Variants in NALCN observed in about 807,000 individuals in gnomAD.
NALCN encodes sodium leak channel, non-selective, also known as sodium leak channel NALCN.
In NALCN, 111 loss-of-function variants were observed where a neutral mutation model predicts 225.3. The ratio of observed to expected loss-of-function variants is 0.49; its 90% CI spans 0.42 to 0.58. NALCN has a LOEUF of 0.58. NALCN is among the 20% of genes least tolerant of loss of function. NALCN has a pLI of 0.00. For synonymous variants in NALCN, 764 were observed against 769.0 expected, an observed-to-expected ratio of 0.99 and a Z score of 0.11; for missense variants, 1,378 against 2,202.4, an observed-to-expected ratio of 0.63 and a Z score of 7.49.
intron 6 of NALCN, among the ~76,000 whole-genome samples, chr13:101,360,231 C>CTCTCTCTCTCT (rs2046213644): frequency 1.4e-5 from 1 of 73,148 alleles, no homozygotes; most frequent in Non-Finnish European, 3.4e-5. Context: ...TCTCTCTCTC[C>CTCTCTCTCTCT]TTCCTTCCTT....
intron 11 of NALCN, among the ~76,000 whole-genome samples, chr13:101,253,896 A>G (rs936334952): frequency 1.3e-5 from 2 of 152,258 alleles, no homozygotes; most frequent in African/African-American, 4.8e-5. Flanking sequence ...GCCTAAACTC[A>G]AGACATCTTT....
intron 15 of NALCN, among the ~76,000 whole-genome samples, chr13:101,153,709 T>C (rs1187824292): frequency 6.6e-6 from 1 of 152,184 alleles, no homozygotes; most frequent in Non-Finnish European, 1.5e-5. Flanking sequence ...CAATTGGTCA[T>C]CCAAATTTCA....
intron 18 of NALCN, among the ~76,000 whole-genome samples, chr13:101,120,446 A>G (rs779761203): frequency 6.6e-5 from 10 of 151,784 alleles, no homozygotes. Context: ...TGGTCAAGCT[A>G]GTCACCTACA....
chr13:101,384,027 A>T (rs1442217431), intron 3 of NALCN, among the ~76,000 whole-genome samples: 2 of 152,206 alleles, frequency 1.3e-5, no homozygotes, highest in African/African-American at 4.8e-5. Context: ...TATGTTTTGT[A>T]TCTGGCACAT....
chr13:101,278,944 AAGT>A (rs2043055165), intron 10 of NALCN, among the ~76,000 whole-genome samples: 2 of 152,144 alleles, frequency 1.3e-5, no homozygotes, highest in African/African-American at 4.8e-5. Context: ...GAGGTCAAAT[AAGT>A]ACTTTCATAA....
At chr13:101,356,555 A>G (rs2046067335) in intron 6 of NALCN, among the ~76,000 whole-genome samples, 1 of 142,822 alleles carries the variant, frequency 7.0e-6, no homozygotes, top group Non-Finnish European at 1.5e-5. Context: ...CCTACCAACC[A>G]AAAAAAGCCC....
chr13:101,407,894 T>A (rs921122810), intron 1 of NALCN, among the ~76,000 whole-genome samples: 1 of 152,254 alleles, frequency 6.6e-6, no homozygotes, highest in East Asian at 1.9e-4. Flanking sequence ...AATTTTCAGT[T>A]TAAACAAGTT....
At chr13:101,271,124 T>C (rs1211386351) in intron 10 of NALCN, among the ~76,000 whole-genome samples, 2 of 152,174 alleles carry the variant, frequency 1.3e-5, no homozygotes, top group Non-Finnish European at 2.9e-5. Flanking sequence ...GTTCTGCATA[T>C]TTCTTCCAGT....
At chr13:101,167,028 T>C (rs1001724582) in intron 15 of NALCN, among the ~76,000 whole-genome samples, 8 of 152,230 alleles carry the variant, frequency 5.3e-5, no homozygotes, top group Admixed American at 2.0e-4. Context: ...TGACTATATA[T>C]GTGAGGGTTT....
chr13:101,180,191 C>G (rs977519202), intron 14 of NALCN, among the ~76,000 whole-genome samples: 1 of 150,236 alleles, frequency 6.7e-6, no homozygotes, highest in Non-Finnish European at 1.5e-5. Context: ...ATCCACTATA[C>G]TCTCCACCTG....
intron 27 of NALCN, among the ~76,000 whole-genome samples, chr13:101,098,010 T>C (rs7986175): frequency 0.17 from 25,696 of 152,134 alleles, 2,619 homozygotes; most frequent in Non-Finnish European, 0.24. Context: ...TCTCCTGAAG[T>C]AGGATTCCAA....
At chr13:101,086,376 C>T (rs190072989) in intron 30 of NALCN, among the ~76,000 whole-genome samples, 55 of 151,838 alleles carry the variant, frequency 3.6e-4, no homozygotes, top group African/African-American at 8.0e-4. Context: ...TTGTATATGA[C>T]GCTATAAAAT....
chr13:101,405,630 C>T (rs1317374288), intron 1 of NALCN, among the ~76,000 whole-genome samples: 2 of 152,186 alleles, frequency 1.3e-5, no homozygotes, highest in African/African-American at 4.8e-5. Context: ...GCCTCCACAG[C>T]CTCTCACACG....
At chr13:101,164,396 A>T (rs567506351) in intron 15 of NALCN, among the ~76,000 whole-genome samples, 1 of 152,010 alleles carries the variant, frequency 6.6e-6, no homozygotes, top group Non-Finnish European at 1.5e-5. Context: ...GGCTCAAGTG[A>T]TTCTCCTACC....
At chr13:101,211,884 CAAT>C (rs1394261711) in intron 13 of NALCN, among the ~76,000 whole-genome samples, 2 of 151,436 alleles carry the variant, frequency 1.3e-5, no homozygotes, top group Non-Finnish European at 2.9e-5. Context: ...TGTCTTTCAT[CAAT>C]AAAAATGAAT....
At chr13:101,247,869 C>T (rs1369174574) in intron 11 of NALCN, among the ~76,000 whole-genome samples, 1 of 152,018 alleles carries the variant, frequency 6.6e-6, no homozygotes, top group Admixed American at 6.6e-5. Flanking sequence ...TTCAGCTATT[C>T]AGTGTTCTCA....
chr13:101,282,225 A>T (rs931006442), intron 10 of NALCN, among the ~76,000 whole-genome samples: 5 of 152,182 alleles, frequency 3.3e-5, no homozygotes, highest in Admixed American at 2.0e-4. Flanking sequence ...CTGCAGCGTT[A>T]TTCACAATGG....
chr13:101,203,730 T>C (rs556820324), intron 13 of NALCN, among the ~76,000 whole-genome samples: 15 of 152,362 alleles, frequency 9.8e-5, no homozygotes, highest in Non-Finnish European at 2.1e-4. Flanking sequence ...AAAGGTCTAC[T>C]ATTCTATAAT....
In NALCN at chr13:101,083,011, G is replaced by T. The variant is rs189202865; in HGVS notation, c.3690+81C>A. On this transcript the variant is annotated intron_variant, in intron 32 of 43. Transcript: ENST00000251127. ...TACACCCAAGAACATAACCGTGAAT[G>T]CATATAGCAGCTTGTGATACTCTCG... 3 of 1,527,610 alleles carry T rather than the reference G, an allele frequency of 2.0e-6. No individual in the cohort carries two copies. The African/African-American group carries it at 4.1e-5, about 21-fold the overall frequency. 94.6% of individuals were successfully genotyped at this position (1,527,610 alleles called of 1,614,324 possible). A position where few individuals can be genotyped will look rare whatever the true frequency, so the allele number is the denominator to read the frequency against.
Sources: gnomAD v4.1 joint callset for allele counts (sites outside exome capture counted in the v4.1 genomes callset) on GRCh38, gnomAD v4.1.1 for gene constraint, MANE v1.5 for transcripts, NCBI Gene and HGNC (gene_info 2026-07-23, HGNC 2026-07-21) for gene names.